Variants in HTR3B observed in about 807,000 individuals in gnomAD.
HTR3B encodes 5-hydroxytryptamine (serotonin) receptor 3B, ionotropic.
HTR3B carries 44 observed loss-of-function variants against 42.8 expected under a neutral mutation model. The ratio of observed to expected loss-of-function variants is 1.03; its 90% CI spans 0.81 to 1.32. The LOEUF is 1.32. Ranked by LOEUF, HTR3B falls within the 40% of genes most tolerant of loss-of-function variation. The probability of loss-of-function intolerance (pLI) is 0.00; values close to 1 mark genes in which losing one functional copy is unlikely to be tolerated. For synonymous variants in HTR3B, 203 were observed against 209.0 expected (o/e 0.97, Z 0.25); for missense variants, 527 against 536.5 (o/e 0.98, Z 0.17).
At chr11:113,928,358 A>G (rs1371229213) in intron 2 of HTR3B, among the ~76,000 whole-genome samples, 1 of 152,116 alleles carries the variant, frequency 6.6e-6, no homozygotes, top group South Asian at 2.1e-4. Context: ...TACCCATTCA[A>G]CGATAACTTT....
At position 113,944,635 on chromosome 11, in the gene HTR3B, G is replaced by T; in HGVS notation, c.970G>T (p.Val324Phe). Residue 324 changes from valine (V) to phenylalanine (F), a missense_variant, in exon 8 of 9, where the codon GTC becomes TTC. By Grantham distance (50) the Val-to-Phe change is conservative (BLOSUM62 -1). Coordinates refer to ENST00000260191, the MANE Select transcript of HTR3B (RefSeq NM_006028.5). ...CAGCTTAGCTAAGTCCATCGTGTTGGTCAAATTCCTCCATGATGAGCAGCG... is the reference window on the plus strand; with the variant it reads ...CAGCTTAGCTAAGTCCATCGTGTTGTTCAAATTCCTCCATGATGAGCAGCG... ...VLSLAKSIVL[V>F]KFLHDEQRGG... 6.2e-7 allele frequency: 1 copy of T among 1,614,124 alleles called. No individual in the cohort carries two copies. Among genetic ancestry groups the T allele is most frequent in the Non-Finnish European group, 8.5e-7 (1 of 1,180,014 alleles).
chr11:113,930,125 A>T (rs1052255670), intron 2 of HTR3B, among the ~76,000 whole-genome samples: 2 of 152,064 alleles, frequency 1.3e-5, no homozygotes, highest in African/African-American at 4.8e-5. Flanking sequence ...CTTAATAGAT[A>T]TGTGATTTGC....
chr11:113,932,224 C>T (rs1423497810), intron 4 of HTR3B, 65 bp from the exon 5 acceptor site: 1 of 1,333,918 alleles, frequency 7.5e-7, no homozygotes, highest in Non-Finnish European at 1.1e-6. Context: ...ATCTCCTAAT[C>T]AGCCTATGTT....
intron 5 of HTR3B, 122 bp downstream of exon 5, chr11:113,932,580 T>C: frequency 1.1e-6 from 1 of 908,612 alleles, no homozygotes; most frequent in Non-Finnish European, 1.6e-6. Context: ...TGGAATCTCT[T>C]CTTGCGGTTT....
intron 1 of HTR3B, among the ~76,000 whole-genome samples, chr11:113,905,447 C>T (rs75857348): frequency 0.013 from 1,920 of 152,226 alleles, 33 homozygotes; most frequent in African/African-American, 0.044. Flanking sequence ...ATATGTATAT[C>T]ATTTTGGTAT....
At position 113,944,687 on chromosome 11, in the gene HTR3B, G is replaced by T. The variant is rs1305485498; in HGVS notation, c.1022G>T (p.Cys341Phe). The T allele has an allele frequency of 1.2e-6, 2 of 1,613,998 alleles. No individual in the cohort carries two copies. Among genetic ancestry groups the T allele is most frequent in the Admixed American group, 3.3e-5 (2 of 59,994 alleles). ...GGTGGACAGGAGCAGCCCTTCTTGT[G>T]CCTTCGAGGGGACACCGATGCTGAC... ...QRGGQEQPFL[C>F]LRGDTDADRP... The change falls in exon 8 of 9, where the codon TGC becomes TTC. Residue 341 changes from cysteine to phenylalanine, a missense_variant. By Grantham distance (205) the Cys-to-Phe change is radical. Transcript: ENST00000260191.
intron 1 of HTR3B, among the ~76,000 whole-genome samples, chr11:113,906,772 A>G (rs913491213): frequency 3.3e-5 from 5 of 152,164 alleles, no homozygotes; most frequent in African/African-American, 1.2e-4. Context: ...CTATGCCAAT[A>G]GTCCCTCATC....
At chr11:113,900,266 G>T (rs1949688890), upstream of HTR3B, among the ~76,000 whole-genome samples, 4 of 151,836 alleles carry the variant, frequency 2.6e-5, no homozygotes, top group Admixed American at 2.0e-4. Context: ...TCAAAAAAAA[G>T]AAAGAAGTCC....
upstream of HTR3B, among the ~76,000 whole-genome samples, chr11:113,902,946 G>A (rs919132450): frequency 6.6e-6 from 1 of 152,112 alleles, no homozygotes; most frequent in Admixed American, 6.5e-5. Context: ...ACAGCTCACT[G>A]CAGACTCTAT....
At chr11:113,902,216 A>C (rs749901262), upstream of HTR3B, among the ~76,000 whole-genome samples, 2 of 152,252 alleles carry the variant, frequency 1.3e-5, no homozygotes, top group African/African-American at 2.4e-5. Flanking sequence ...GGATAGTACA[A>C]AGAATTCCCC....
chr11:113,945,529 A>C (rs1950169892), intron 8 of HTR3B, among the ~76,000 whole-genome samples: 1 of 152,232 alleles, frequency 6.6e-6, no homozygotes, highest in African/African-American at 2.4e-5. Flanking sequence ...GCACGTGCAC[A>C]CATGCATACA....
chr11:113,928,260 C>A (rs1232291055), intron 2 of HTR3B, among the ~76,000 whole-genome samples: 1 of 152,028 alleles, frequency 6.6e-6, no homozygotes, highest in Non-Finnish European at 1.5e-5. Flanking sequence ...ATATATGTAC[C>A]ACATTTTCTT....
intron 2 of HTR3B, among the ~76,000 whole-genome samples, chr11:113,911,928 C>T (rs770677141): frequency 2.5e-4 from 38 of 152,162 alleles, no homozygotes; most frequent in Non-Finnish European, 4.6e-4. Flanking sequence ...GAGACAAATA[C>T]TCTTCTGATT....
chr11:113,901,379 T>C (rs1949696877), upstream of HTR3B, among the ~76,000 whole-genome samples: 1 of 149,124 alleles, frequency 6.7e-6, no homozygotes, highest in African/African-American at 2.5e-5. Context: ...AGATGGAGGC[T>C]ACAGTGAGCC....
intron 2 of HTR3B, among the ~76,000 whole-genome samples, chr11:113,914,869 T>C (rs928707149): frequency 3.3e-5 from 5 of 152,196 alleles, no homozygotes; most frequent in Non-Finnish European, 7.3e-5. Flanking sequence ...AGTAAAACTA[T>C]AGGGGTCTGG....
intron 6 of HTR3B, among the ~76,000 whole-genome samples, chr11:113,936,797 A>G (rs550908013): frequency 3.3e-5 from 5 of 152,188 alleles, no homozygotes; most frequent in Non-Finnish European, 7.3e-5. Flanking sequence ...CTAGGCGTCA[A>G]AATTCCAACT....
intron 6 of HTR3B, among the ~76,000 whole-genome samples, chr11:113,936,098 G>A (rs1047279486): frequency 6.6e-6 from 1 of 152,210 alleles, no homozygotes; most frequent in Non-Finnish European, 1.5e-5. Flanking sequence ...CGGCCCAGCA[G>A]CCATGGGAGG....
intron 2 of HTR3B, among the ~76,000 whole-genome samples, chr11:113,912,397 C>G (rs1176730): frequency 2.6e-5 from 4 of 152,144 alleles, no homozygotes; most frequent in Non-Finnish European, 5.9e-5. Context: ...GCGTGTGCCA[C>G]GACGCCCAGC....
chr11:113,945,842 A>C (rs1288250981), intron 8 of HTR3B, 60 bp from the exon 9 acceptor site: 10 of 1,189,604 alleles, frequency 8.4e-6, no homozygotes, highest in Admixed American at 1.8e-5. Flanking sequence ...CTTCAAGAGA[A>C]AGTCCAGGTG....
Sources: allele counts gnomAD v4.1 joint callset (sites outside exome capture counted in the v4.1 genomes callset), GRCh38; gene constraint gnomAD v4.1.1; transcripts MANE v1.5; gene names NCBI Gene and HGNC (gene_info 2026-07-23, HGNC 2026-07-21).